PRRX2: variants seen among roughly 807,000 people sequenced by gnomAD.
PRRX2 encodes the protein paired related homeobox 2.
Under a neutral mutation model 18.0 loss-of-function variants are expected in PRRX2, and 11 were observed. The ratio of observed to expected loss-of-function variants is 0.61; its 90% CI spans 0.39 to 1.01. The LOEUF (loss-of-function observed/expected upper bound fraction) is 1.01. Ranked by LOEUF, PRRX2 falls within the 50% of genes least tolerant of loss-of-function variation. The probability of loss-of-function intolerance (pLI) is 0.01; values close to 1 mark genes in which losing one functional copy is unlikely to be tolerated. For synonymous variants in PRRX2, 177 were observed against 154.8 expected (o/e 1.14, Z -1.06); for missense variants, 387 against 351.0 (o/e 1.10, Z -0.82).
At chr9:129,681,816 A>G (rs1832235514) in intron 1 of PRRX2, among the ~76,000 whole-genome samples, 1 of 152,134 alleles carries the variant, frequency 6.6e-6, no homozygotes, top group East Asian at 1.9e-4. Flanking sequence ...CTAAAGGCCA[A>G]TGCATCTCCT....
rs368704548 is a variant in PRRX2 at position 129,675,487 on chromosome 9, G to A, written c.259+9361G>A. ...ACAAGCCCCCTCCTGGCATCCTGCC[G>A]GCACCTCCTGCCCCCCTGCTACCCT... On this transcript the variant is annotated intron_variant, in intron 1 of 3. Transcript: ENST00000372469. The surrounding 1 kb of genome is among the most constrained non-coding windows in gnomAD (Gnocchi z 4.4). Among the ~76,000 whole-genome samples the A allele has an allele frequency of 1.3e-5, 2 of 151,774 alleles. No homozygotes were observed. Among genetic ancestry groups the A allele is most frequent in the Non-Finnish European group, 2.9e-5 (2 of 67,888 alleles).
At chr9:129,688,087 G>A (rs891485174) in intron 1 of PRRX2, among the ~76,000 whole-genome samples, 6 of 151,760 alleles carry the variant, frequency 4.0e-5, no homozygotes, top group Non-Finnish European at 8.8e-5. Flanking sequence ...GTAGAGATGG[G>A]GGTCTCACTC....
chr9:129,684,532 A>ACACACACACACACACACCCC (rs1165343797), intron 1 of PRRX2, among the ~76,000 whole-genome samples: 1 of 140,282 alleles, frequency 7.1e-6, no homozygotes, highest in Non-Finnish European at 1.5e-5. Context: ...ACCCACACAC[A>ACACACACACACACACACCCC]CCCCAACAGA....
intron 3 of PRRX2, among the ~76,000 whole-genome samples, chr9:129,721,000 C>G (rs550246325): frequency 6.7e-6 from 1 of 149,816 alleles, no homozygotes; most frequent in Non-Finnish European, 1.5e-5. Context: ...TGTGTGTCAA[C>G]GTACATGTGG....
At chr9:129,667,699 G>A (rs1373839853) in intron 1 of PRRX2, among the ~76,000 whole-genome samples, 15 of 152,102 alleles carry the variant, frequency 9.9e-5, no homozygotes, top group Admixed American at 9.8e-4. Flanking sequence ...CCCCTGCTGT[G>A]GGGACAGCCA....
At chr9:129,689,129 T>G (rs2130917562) in intron 1 of PRRX2, among the ~76,000 whole-genome samples, 1 of 152,218 alleles carries the variant, frequency 6.6e-6, no homozygotes, top group Admixed American at 6.5e-5. Context: ...CACACTCCTG[T>G]CTTCTCTCCA....
chr9:129,665,971 G>A lies in PRRX2; in HGVS notation c.104G>A (p.Arg35His). ...GGGCCCGGCGACTGCGCCCAGGCGCGCAAGAACTTCTCGGTGAGCCACCTC... is the reference window on the plus strand; with the variant it reads ...GGGCCCGGCGACTGCGCCCAGGCGCACAAGAACTTCTCGGTGAGCCACCTC... ...ALGPGDCAQARKNFSVSHLLD... is the reference protein window; with the variant it reads ...ALGPGDCAQAHKNFSVSHLLD... The change falls in exon 1 of 4, where the codon CGC (arginine) becomes CAC (histidine). Residue 35 changes from arginine to histidine, a missense_variant. Physicochemically the swap from Arg to His is conservative, Grantham distance 29. Transcript: ENST00000372469. The surrounding 1 kb of genome is among the most constrained non-coding windows in gnomAD (Gnocchi z 5.3). 1 of 1,142,314 alleles carries A rather than the reference G, an allele frequency of 8.8e-7. No homozygotes were observed. The highest frequency in any genetic ancestry group is 1.1e-6 in the Non-Finnish European group (1 of 924,424). 70.8% of individuals were successfully genotyped at this position (1,142,314 alleles called of 1,614,324 possible). A position where few individuals can be genotyped will look rare whatever the true frequency, so the allele number is the denominator to read the frequency against.
Position 129,705,754 on chromosome 9 carries a change from C to CTG in PRRX2, c.260-13477_260-13476insTG, listed in dbSNP as rs1340065869. Reference sequence around the variant, plus strand: ...CGCTACCGTTAGCCTGCTGCTGTGACCCGGCCGCATGGGGACATTCTGTGC... The same window carrying CTG: ...CGCTACCGTTAGCCTGCTGCTGTGACTGCCGGCCGCATGGGGACATTCTGTGC... On this transcript the variant is annotated intron_variant, in intron 1 of 3. Transcript: ENST00000372469. 1.4e-3 allele frequency among the ~76,000 whole-genome samples: 214 copies of CTG among 152,216 alleles called. 1 individual carries two copies. The highest frequency in any genetic ancestry group is 5.0e-3 in the African/African-American group (207 of 41,556).
chr9:129,666,406 G>A (rs1832023398), intron 1 of PRRX2, among the ~76,000 whole-genome samples: 1 of 152,210 alleles, frequency 6.6e-6, no homozygotes, highest in Non-Finnish European at 1.5e-5. Context: ...GGAAGTGGGT[G>A]TGGCTGCTGC....
intron 1 of PRRX2, among the ~76,000 whole-genome samples, chr9:129,684,246 TC>T (rs1185756134): frequency 6.6e-6 from 1 of 152,104 alleles, no homozygotes; most frequent in Non-Finnish European, 1.5e-5. Flanking sequence ...AGAAGACTGG[TC>T]CCAGCTAGCT....
chr9:129,666,571 A>ATC (rs1832026831), intron 1 of PRRX2, among the ~76,000 whole-genome samples: 1 of 95,424 alleles, frequency 1.0e-5, no homozygotes, highest in African/African-American at 3.8e-5. Flanking sequence ...GTGCCTGCCC[A>ATC]CCCCCCCCCA....
At chr9:129,698,179 C>G (rs1033383391) in intron 1 of PRRX2, among the ~76,000 whole-genome samples, 2 of 149,380 alleles carry the variant, frequency 1.3e-5, no homozygotes, top group Non-Finnish European at 3.0e-5. Context: ...TGGGCCCCCT[C>G]GCAGGGCCTA....
At chr9:129,698,611 G>C (rs918689510) in intron 1 of PRRX2, among the ~76,000 whole-genome samples, 1 of 152,238 alleles carries the variant, frequency 6.6e-6, no homozygotes, top group South Asian at 2.1e-4. Context: ...TGCTAGGCGC[G>C]TGTGGGCAGA....
intron 1 of PRRX2, among the ~76,000 whole-genome samples, chr9:129,683,799 C>T (rs561922447): frequency 1.3e-5 from 2 of 152,166 alleles, no homozygotes; most frequent in Non-Finnish European, 1.5e-5. Context: ...TAAATTCCAC[C>T]GAAGAGAAGC....
chr9:129,717,751 TA>T (rs143959593), intron 1 of PRRX2, among the ~76,000 whole-genome samples: 2,738 of 146,618 alleles, frequency 0.019, 78 homozygotes, highest in African/African-American at 0.064. Flanking sequence ...GGGAGTGGGA[TA>T]GGGGAGGGGA....
At chr9:129,689,481 C>T (rs1451276959) in intron 1 of PRRX2, among the ~76,000 whole-genome samples, 1 of 152,210 alleles carries the variant, frequency 6.6e-6, no homozygotes, top group Non-Finnish European at 1.5e-5. Flanking sequence ...ATCACCAATA[C>T]CAACCCTGTA....
chr9:129,697,370 C>T (rs1030691979), intron 1 of PRRX2, among the ~76,000 whole-genome samples: 1 of 151,916 alleles, frequency 6.6e-6, no homozygotes, highest in Non-Finnish European at 1.5e-5. Context: ...GGGCGCGCAC[C>T]CTCGGAGCAG....
At chr9:129,713,834 G>T (rs1301609223) in intron 1 of PRRX2, among the ~76,000 whole-genome samples, 2 of 150,274 alleles carry the variant, frequency 1.3e-5, no homozygotes, top group Non-Finnish European at 3.0e-5. Flanking sequence ...GTAGAGATGG[G>T]GTTTCACCAT....
intron 1 of PRRX2, among the ~76,000 whole-genome samples, chr9:129,684,780 A>G (rs1832283538): frequency 6.6e-6 from 1 of 152,188 alleles, no homozygotes; most frequent in Non-Finnish European, 1.5e-5. Context: ...TAAACAGGAC[A>G]AGCAGTGCTT....
Sources: allele counts gnomAD v4.1 joint callset (sites outside exome capture counted in the v4.1 genomes callset), GRCh38; gene constraint gnomAD v4.1.1; non-coding constraint Gnocchi (gnomAD v3.1); transcripts MANE v1.5; gene names NCBI Gene and HGNC (gene_info 2026-07-23, HGNC 2026-07-21).